The following FRMD4A variants were observed in gnomAD, a reference collection of about 807,000 sequenced individuals.
FRMD4A encodes FERM domain-containing protein 4A.
A neutral mutation model predicts 129.1 loss-of-function variants in FRMD4A; 29 were observed. The observed-to-expected ratio is 0.22, with a 90% CI of 0.17 to 0.31. The LOEUF is 0.31. FRMD4A is among the 10% of genes least tolerant of loss of function. FRMD4A has a pLI of 1.00. For missense variants in FRMD4A, 1,272 were observed against 1,375.8 expected (o/e 0.92, Z 1.19); for synonymous variants, 634 against 571.6 (o/e 1.11, Z -1.56).
At chr10:13,647,551 G>T (rs970800690) in intron 24 of FRMD4A, 4 of 152,132 alleles carry the variant, frequency 2.6e-5, no homozygotes, top group African/African-American at 9.7e-5. Flanking sequence ...TTCTGTCCTG[G>T]AAGAACATTC....
intron 3 of FRMD4A, among the ~76,000 whole-genome samples, chr10:13,848,609 CGTGTGTGTGTGTGTGTGTGT>C (rs59271113): frequency 8.1e-6 from 1 of 124,070 alleles, no homozygotes; most frequent in African/African-American, 2.9e-5. Context: ...TGTGTGTGTA[CGTGTGTGTGTGTGTGTGTGT>C]GTGTGTGTGT....
intron 2 of FRMD4A, among the ~76,000 whole-genome samples, chr10:13,920,022 C>A (rs1366735835): frequency 6.6e-6 from 1 of 152,108 alleles, no homozygotes; most frequent in African/African-American, 2.4e-5. Context: ...ACAATAGGGA[C>A]CATCAAAGAA....
intron 2 of FRMD4A, among the ~76,000 whole-genome samples, chr10:14,055,970 T>G (rs968779063): frequency 6.6e-5 from 10 of 152,246 alleles, no homozygotes; most frequent in African/African-American, 2.4e-4. Context: ...AGTCTCGCTC[T>G]TTCGCCCAGG....
At chr10:13,707,690 T>C in intron 12 of FRMD4A, 1 of 985,582 alleles carries the variant, frequency 1.0e-6, no homozygotes, top group South Asian at 4.7e-5. Context: ...GCTGGGACCT[T>C]ATTTCGGGGG....
At chr10:13,988,854 T>A (rs2095592539) in intron 2 of FRMD4A, among the ~76,000 whole-genome samples, 1 of 152,152 alleles carries the variant, frequency 6.6e-6, no homozygotes, top group Admixed American at 6.5e-5. Context: ...AGCATGGACG[T>A]CAGAGAGGAT....
At chr10:14,228,669 C>T (rs1843529794) in intron 2 of FRMD4A, among the ~76,000 whole-genome samples, 1 of 152,094 alleles carries the variant, frequency 6.6e-6, no homozygotes, top group Admixed American at 6.5e-5. Flanking sequence ...CAACTTGCAA[C>T]CAACCCAACA....
intron 2 of FRMD4A, among the ~76,000 whole-genome samples, chr10:14,202,463 G>A (rs879830574): frequency 1.3e-5 from 2 of 152,078 alleles, no homozygotes; most frequent in African/African-American, 2.4e-5. Context: ...GTGCAGTGGC[G>A]CTATCTCGGC....
intron 2 of FRMD4A, among the ~76,000 whole-genome samples, chr10:13,975,311 T>A (rs372703788): frequency 6.6e-6 from 1 of 151,898 alleles, no homozygotes; most frequent in South Asian, 2.1e-4. Context: ...TGTGTGTGTA[T>A]GTGTGTGTGT....
At chr10:14,306,224 A>G (rs1393846566) in intron 2 of FRMD4A, among the ~76,000 whole-genome samples, 1 of 152,246 alleles carries the variant, frequency 6.6e-6, no homozygotes, top group Non-Finnish European at 1.5e-5. Flanking sequence ...GAGAAACATA[A>G]AAGTTTTTCC....
At chr10:13,784,479 T>G (rs140621804) in intron 5 of FRMD4A, among the ~76,000 whole-genome samples, 1 of 152,222 alleles carries the variant, frequency 6.6e-6, no homozygotes, top group African/African-American at 2.4e-5. Context: ...TATTCATTTA[T>G]AGTAATTAAT....
At chr10:13,891,731 G>A in intron 2 of FRMD4A, 5 of 984,318 alleles carry the variant, frequency 5.1e-6, no homozygotes, top group Non-Finnish European at 6.0e-6. Flanking sequence ...TGGCCTACTA[G>A]GCGGCCTTGG....
chr10:13,970,121 T>C (rs78769268), intron 2 of FRMD4A, among the ~76,000 whole-genome samples: 2,788 of 152,304 alleles, frequency 0.018, 78 homozygotes, highest in African/African-American at 0.061. Context: ...ATGGGAAATC[T>C]TATGTGAACT....
chr10:13,856,891 C>T (rs1369604689), intron 3 of FRMD4A, among the ~76,000 whole-genome samples: 1 of 152,158 alleles, frequency 6.6e-6, no homozygotes, highest in Non-Finnish European at 1.5e-5. Flanking sequence ...TTCTAAACCT[C>T]CAAGCTTTGA....
At chr10:14,266,531 G>A (rs529585284) in intron 2 of FRMD4A, among the ~76,000 whole-genome samples, 6 of 150,106 alleles carry the variant, frequency 4.0e-5, no homozygotes, top group Admixed American at 4.0e-4. Context: ...GTGTATGTGT[G>A]TGGCTATGTA....
At position 13,654,454 on chromosome 10, in the gene FRMD4A, G is replaced by T. The variant is rs756503357; in HGVS notation, c.3012C>A (p.Pro1004=). ...STPSSEIGAT[P]PSSPHHILTW... is the part of the protein sequence containing the mutation. ...TTAGGATGTGGTGGGGGCTGCTTGG[G>T]GGGGTGGCTCCAATTTCACTTGACG... The change falls in exon 23 of 25, where the codon CCC becomes CCA. Residue 1004 remains proline, a synonymous_variant. Coordinates refer to ENST00000357447, the MANE Select transcript of FRMD4A (RefSeq NM_018027.5). 1.7e-5 allele frequency: 28 copies of T among 1,613,592 alleles called. No homozygotes were observed. In the South Asian group the frequency reaches 2.9e-4, roughly 16 times the overall value.
intron 3 of FRMD4A, among the ~76,000 whole-genome samples, chr10:13,853,937 G>C (rs1358992476): frequency 1.3e-5 from 2 of 151,734 alleles, no homozygotes; most frequent in African/African-American, 4.8e-5. Context: ...AGCCTGTCTA[G>C]CAGTAGAAGG....
At chr10:13,734,312 G>A (rs1010771934) in intron 12 of FRMD4A, among the ~76,000 whole-genome samples, 3 of 152,086 alleles carry the variant, frequency 2.0e-5, no homozygotes, top group Non-Finnish European at 4.4e-5. Context: ...CAGCCTCCAA[G>A]CAGTTTCCGG....
At chr10:14,194,238 C>T (rs1055983397) in intron 2 of FRMD4A, among the ~76,000 whole-genome samples, 5 of 152,214 alleles carry the variant, frequency 3.3e-5, no homozygotes, top group Non-Finnish European at 7.3e-5. Context: ...ACTCATCCAT[C>T]TCTGCGTTCC....
chr10:13,870,774 G>A (rs1404302951), intron 2 of FRMD4A: 1 of 152,386 alleles, frequency 6.6e-6, no homozygotes, highest in Non-Finnish European at 1.5e-5. Flanking sequence ...GGGTCTCAGT[G>A]AGGCTGAGGA....
Sources: allele counts gnomAD v4.1 joint callset (sites outside exome capture counted in the v4.1 genomes callset), GRCh38; gene constraint gnomAD v4.1.1; transcripts MANE v1.5; gene names NCBI Gene and HGNC (gene_info 2026-07-23, HGNC 2026-07-21).